The following NOTCH2NLA variants were observed in gnomAD, a reference collection of about 807,000 sequenced individuals.
NOTCH2NLA encodes notch 2 N-terminal like A.
intron 3 of NOTCH2NLA, among the ~76,000 whole-genome samples, chr1:146,159,446 A>AGGAAGG (rs1491338284): frequency 1.4e-5 from 2 of 141,940 alleles, no homozygotes; most frequent in African/African-American, 5.1e-5. Context: ...AAAGAAAGAA[A>AGGAAGG]GAGAAAGAAA....
At chr1:146,172,022 C>T (rs1387910103) in intron 2 of NOTCH2NLA, among the ~76,000 whole-genome samples, 3 of 133,098 alleles carry the variant, frequency 2.3e-5, no homozygotes, top group Non-Finnish European at 3.3e-5. Context: ...CAGCAGTGAT[C>T]TCAGAAACCA....
At chr1:146,185,534 A>G (rs1214804396) in intron 2 of NOTCH2NLA, among the ~76,000 whole-genome samples, 1 of 137,034 alleles carries the variant, frequency 7.3e-6, no homozygotes, top group Non-Finnish European at 1.7e-5. Context: ...AACACTGAGA[A>G]AAAACAGTTG....
intron 3 of NOTCH2NLA, among the ~76,000 whole-genome samples, chr1:146,158,433 G>C (rs1661275789): frequency 6.6e-6 from 1 of 151,552 alleles, no homozygotes; most frequent in African/African-American, 2.4e-5. Flanking sequence ...TTTTGTCCTT[G>C]CAATAGTTTG....
rs868913260 is a variant in NOTCH2NLA, at chr1:146,174,770, G to C, written c.39-9760C>G. ...AGCCTGCCCTAGCTGAGCTCTAGAG[G>C]GGGGAGCTGTCGTTAAGGTAAATGA... is the stretch of plus-strand genomic sequence containing the variant. On this transcript the variant is annotated intron_variant, in intron 2 of 4. Coordinates refer to ENST00000362074, the Ensembl canonical transcript of NOTCH2NLA. Among the ~76,000 whole-genome samples, 985 of 142,318 alleles carry C rather than the reference G, an allele frequency of 6.9e-3. 31 individuals are homozygous for C. The highest frequency in any genetic ancestry group is 0.023 in the African/African-American group (928 of 40,836). 93.4% of individuals were successfully genotyped at this position (142,318 alleles called of 152,430 possible). A position where few individuals can be genotyped will look rare whatever the true frequency, so the allele number is the denominator to read the frequency against.
intron 2 of NOTCH2NLA, among the ~76,000 whole-genome samples, chr1:146,174,604 C>T (rs1340737527): frequency 1.4e-5 from 2 of 141,348 alleles, no homozygotes; most frequent in African/African-American, 2.5e-5. Flanking sequence ...TGGGTTGCGT[C>T]GGCACTGCAG....
chr1:146,162,019 G>A (rs1182292889), intron 3 of NOTCH2NLA, among the ~76,000 whole-genome samples: 3 of 106,160 alleles, frequency 2.8e-5, no homozygotes, highest in African/African-American at 4.4e-5. Context: ...GGTAGAAGAA[G>A]GTAGTCATCA....
intron 3 of NOTCH2NLA, among the ~76,000 whole-genome samples, chr1:146,159,451 A>G (rs1246690598): frequency 1.2e-4 from 17 of 138,516 alleles, no homozygotes; most frequent in South Asian, 2.4e-4. Flanking sequence ...AAGAAAGAGA[A>G]AGAAAGAAAG....
chr1:146,186,414 G>A (rs1662766840), intron 2 of NOTCH2NLA, among the ~76,000 whole-genome samples: 1 of 142,252 alleles, frequency 7.0e-6, no homozygotes, highest in African/African-American at 2.5e-5. Flanking sequence ...GAGTGCAGTG[G>A]TGCAATCTTG....
chr1:146,188,735 A>AT (rs1662904418), intron 2 of NOTCH2NLA, among the ~76,000 whole-genome samples: 1 of 18,342 alleles, frequency 5.5e-5, no homozygotes, highest in South Asian at 1.7e-3. Context: ...TCTAATATAC[A>AT]TTTTTTTATT....
chr1:146,228,957 G>C (rs782263175), exon 1 of NOTCH2NLA: 4 of 1,438,572 alleles, frequency 2.8e-6, no homozygotes, highest in Non-Finnish European at 3.6e-6. Flanking sequence ...CGCGCCCCGA[G>C]TCCGCCGCTC....
At position 146,187,024 on chromosome 1, in the gene NOTCH2NLA, C is replaced by T. The variant is rs1416991551; in HGVS notation, c.38+2276G>A. Among the ~76,000 whole-genome samples, 20 of 130,154 alleles carry T rather than the reference C, an allele frequency of 1.5e-4. 1 individual carries two copies. Among genetic ancestry groups the T allele is most frequent in the African/African-American group, 5.1e-4 (20 of 39,116 alleles). 85.4% of individuals were successfully genotyped at this position (130,154 alleles called of 152,430 possible). A position where few individuals can be genotyped will look rare whatever the true frequency, so the allele number is the denominator to read the frequency against. On this transcript the variant is annotated intron_variant, in intron 2 of 4. Transcript: ENST00000362074. ...GGTATTCATCCTAATGCTCTCCCTC[C>T]CCTTTCCCCCCACCCCCTGACAGGC...
At chr1:146,194,911 T>C (rs144804543) in intron 1 of NOTCH2NLA, among the ~76,000 whole-genome samples, 4 of 113,208 alleles carry the variant, frequency 3.5e-5, no homozygotes, top group Non-Finnish European at 7.3e-5. Flanking sequence ...CATTCCTCCA[T>C]GCATGTCTGT....
intron 3 of NOTCH2NLA, among the ~76,000 whole-genome samples, chr1:146,158,061 C>A (rs1661251904): frequency 6.7e-6 from 1 of 148,994 alleles, no homozygotes; most frequent in Non-Finnish European, 1.5e-5. Context: ...AAAAAAATAT[C>A]CTCACAGAAC....
intron 2 of NOTCH2NLA, among the ~76,000 whole-genome samples, chr1:146,174,399 G>C (rs1662150507): frequency 2.2e-5 from 1 of 45,334 alleles, no homozygotes; most frequent in Non-Finnish European, 3.7e-5. Flanking sequence ...TCTGTCTTTA[G>C]CTTTTTTTTT....
At chr1:146,159,119 A>C (rs1450363040) in intron 3 of NOTCH2NLA, among the ~76,000 whole-genome samples, 1 of 152,036 alleles carries the variant, frequency 6.6e-6, no homozygotes, top group African/African-American at 2.4e-5. Flanking sequence ...GCACTTTGGG[A>C]GGCTGAGGTG....
chr1:146,154,481 C>T (rs1661060605), downstream of NOTCH2NLA: 1 of 151,644 alleles, frequency 6.6e-6, no homozygotes, highest in Admixed American at 6.6e-5. Flanking sequence ...CTCCCCATTC[C>T]CACCCCTCAT....
intron 1 of NOTCH2NLA, among the ~76,000 whole-genome samples, chr1:146,224,127 T>A (rs1553819105): frequency 2.0e-5 from 1 of 50,006 alleles, no homozygotes; most frequent in Non-Finnish European, 4.0e-5. Context: ...AAAAAGCAAA[T>A]ATACTTTACT....
chr1:146,160,139 T>C (rs1345970989), intron 3 of NOTCH2NLA, among the ~76,000 whole-genome samples: 2 of 11,938 alleles, frequency 1.7e-4, no homozygotes, highest in African/African-American at 3.4e-4. Context: ...AATTAAAATA[T>C]TTTAAGTGGG....
At chr1:146,180,349 T>C (rs1571299706) in intron 2 of NOTCH2NLA, among the ~76,000 whole-genome samples, 1 of 139,400 alleles carries the variant, frequency 7.2e-6, no homozygotes, top group Non-Finnish European at 1.6e-5. Flanking sequence ...ACTTAAATAA[T>C]GTCTTTCTTA....
Sources: allele counts gnomAD v4.1 joint callset (sites outside exome capture counted in the v4.1 genomes callset), GRCh38; gene constraint gnomAD v4.1.1; transcripts MANE v1.5; gene names NCBI Gene and HGNC (gene_info 2026-07-23, HGNC 2026-07-21).